TUNAR: variants seen among roughly 807,000 people sequenced by gnomAD.
TUNAR encodes protein TUNAR.
In TUNAR at chr14:95,894,838, C is replaced by A. The variant is rs577379900; in HGVS notation, c.12+17661C>A. On this transcript the variant is annotated intron_variant, in intron 2 of 2. Transcript: ENST00000678517. ...ATGACGCACAGGGAAGGTGTAGATG[C>A]GGTTGCAGTGAAGGAGAGAGTGAGG... 3.4e-3 allele frequency among the ~76,000 whole-genome samples: 501 copies of A among 148,356 alleles called. 1 individual carries two copies. The highest frequency in any genetic ancestry group is 6.4e-3 in the Non-Finnish European group (427 of 66,720).
At chr14:95,894,501 T>C (rs576242653) in intron 2 of TUNAR, among the ~76,000 whole-genome samples, 2 of 152,258 alleles carry the variant, frequency 1.3e-5, no homozygotes, top group African/African-American at 4.8e-5. Flanking sequence ...GGATCAGGAT[T>C]TGCGAACTTG....
At chr14:95,913,157 T>A (rs867110168) in intron 2 of TUNAR, among the ~76,000 whole-genome samples, 44 of 150,290 alleles carry the variant, frequency 2.9e-4, no homozygotes, top group Admixed American at 2.1e-3. Context: ...TTTTTTTTTT[T>A]AAATTCTACT....
At chr14:95,905,274 C>T (rs1376564585) in intron 2 of TUNAR, among the ~76,000 whole-genome samples, 1 of 152,158 alleles carries the variant, frequency 6.6e-6, no homozygotes, top group Admixed American at 6.5e-5. Context: ...ATTCAGATTG[C>T]ACCAGTTTTC....
At chr14:95,919,930 T>C (rs147253851) in intron 2 of TUNAR, among the ~76,000 whole-genome samples, 1 of 152,310 alleles carries the variant, frequency 6.6e-6, no homozygotes. Flanking sequence ...GAAAGATGTA[T>C]GTATATGCTT....
At chr14:95,880,282 C>T (rs1768298643) in intron 2 of TUNAR, among the ~76,000 whole-genome samples, 1 of 152,184 alleles carries the variant, frequency 6.6e-6, no homozygotes, top group African/African-American at 2.4e-5. Flanking sequence ...TCCAATTAGA[C>T]ATTCCTATAA....
intron 2 of TUNAR, among the ~76,000 whole-genome samples, chr14:95,912,397 C>G (rs1159592417): frequency 6.6e-6 from 1 of 152,198 alleles, no homozygotes; most frequent in African/African-American, 2.4e-5. Context: ...GCATTCGACA[C>G]TGCCTTTTAT....
chr14:95,893,068 A>G (rs1889207476), intron 2 of TUNAR, among the ~76,000 whole-genome samples: 1 of 152,166 alleles, frequency 6.6e-6, no homozygotes. Context: ...CTGAGTCTGC[A>G]GTGACCATGG....
intron 2 of TUNAR, among the ~76,000 whole-genome samples, chr14:95,888,954 C>T (rs1281241290): frequency 2.0e-5 from 3 of 152,256 alleles, no homozygotes; most frequent in East Asian, 1.9e-4. Context: ...CGAGCATGGC[C>T]GTCACCCCTC....
chr14:95,876,832 CTCTT>C (rs911949685), intron 1 of TUNAR: 9 of 152,286 alleles, frequency 5.9e-5, no homozygotes, highest in Non-Finnish European at 1.2e-4. Context: ...CTGTCTCTCT[CTCTT>C]TCCCTCCGCG....
intron 2 of TUNAR, among the ~76,000 whole-genome samples, chr14:95,894,931 T>C (rs1595118709): frequency 6.6e-6 from 1 of 152,178 alleles, no homozygotes; most frequent in Non-Finnish European, 1.5e-5. Flanking sequence ...TGCATATTGG[T>C]GCAGGGCACT....
chr14:95,913,210 A>C (rs1889546794), intron 2 of TUNAR, among the ~76,000 whole-genome samples: 1 of 149,598 alleles, frequency 6.7e-6, no homozygotes, highest in Non-Finnish European at 1.5e-5. Context: ...GGTTTGTTAA[A>C]TAGGTATACA....
chr14:95,918,969 G>C (rs1260499137), intron 2 of TUNAR, among the ~76,000 whole-genome samples: 3 of 152,152 alleles, frequency 2.0e-5, no homozygotes, highest in Non-Finnish European at 4.4e-5. Context: ...ATCACGCTTG[G>C]AGGTGGGGAT....
chr14:95,890,787 G>A lies in TUNAR; in HGVS notation c.12+13610G>A, dbSNP rs144060328. On this transcript the variant is annotated intron_variant, in intron 2 of 2. Transcript: ENST00000678517. ...ACAGGAAGACCTTAATATTAGAATC[G>A]TGAAAGTATTTTAAATTTGTTCATT... 1.7e-4 allele frequency among the ~76,000 whole-genome samples: 26 copies of A among 152,332 alleles called. No individual in the cohort carries two copies. The East Asian group carries it at 3.3e-3, about 19-fold the overall frequency.
chr14:95,896,730 T>A (rs1664987137), intron 2 of TUNAR, among the ~76,000 whole-genome samples: 1 of 152,224 alleles, frequency 6.6e-6, no homozygotes, highest in Non-Finnish European at 1.5e-5. Flanking sequence ...GGTGGAAACA[T>A]TTATTTTCCA....
chr14:95,913,420 T>A (rs1889550877), intron 2 of TUNAR, among the ~76,000 whole-genome samples: 1 of 152,156 alleles, frequency 6.6e-6, no homozygotes, highest in Non-Finnish European at 1.5e-5. Context: ...ATGCGGCGTT[T>A]GGTTTTCTGT....
chr14:95,887,007 G>A (rs1889088768), intron 2 of TUNAR, among the ~76,000 whole-genome samples: 2 of 152,114 alleles, frequency 1.3e-5, no homozygotes, highest in African/African-American at 4.8e-5. Flanking sequence ...TGCAAGCAGA[G>A]AAAGGAATTT....
chr14:95,890,900 G>A (rs913817939), intron 2 of TUNAR, among the ~76,000 whole-genome samples: 1 of 152,210 alleles, frequency 6.6e-6, no homozygotes, highest in Non-Finnish European at 1.5e-5. Flanking sequence ...TGGTCACAGA[G>A]CTGAACGGGT....
intron 2 of TUNAR, among the ~76,000 whole-genome samples, chr14:95,900,946 G>T (rs1889343267): frequency 6.6e-6 from 1 of 152,192 alleles, no homozygotes; most frequent in African/African-American, 2.4e-5. Context: ...TGGTTTATAG[G>T]TGCCTTTTGC....
chr14:95,877,384 G>T (rs192926484), intron 2 of TUNAR, among the ~76,000 whole-genome samples: 2,931 of 152,356 alleles, frequency 0.019, 92 homozygotes, highest in African/African-American at 0.067. Flanking sequence ...GCCTTCTGGA[G>T]AAAGATGTGG....
Sources: gnomAD v4.1 joint callset for allele counts (sites outside exome capture counted in the v4.1 genomes callset) on GRCh38, gnomAD v4.1.1 for gene constraint, MANE v1.5 for transcripts, NCBI Gene and HGNC (gene_info 2026-07-23, HGNC 2026-07-21) for gene names.